The following DZANK1 variants were observed in gnomAD, a reference collection of about 807,000 sequenced individuals.
The protein encoded by DZANK1 is double zinc ribbon and ankyrin repeat-containing protein 1.
DZANK1 carries 91 observed loss-of-function variants against 94.5 expected under a neutral mutation model. The ratio of observed to expected loss-of-function variants is 0.96; its 90% CI spans 0.81 to 1.15. DZANK1 has a LOEUF of 1.15. Among genes scored for constraint, DZANK1 ranks in the 50% most tolerant of loss-of-function variants. The pLI is 0.00. For synonymous variants in DZANK1, 312 were observed against 325.3 expected (o/e 0.96, Z 0.44); for missense variants, 903 against 916.4 (o/e 0.99, Z 0.19).
intron 14 of DZANK1, among the ~76,000 whole-genome samples, chr20:18,397,382 G>T (rs995741553): frequency 3.9e-5 from 6 of 152,170 alleles, no homozygotes; most frequent in Non-Finnish European, 8.8e-5. Flanking sequence ...TCCTCTCACA[G>T]AGCTGTCTTT....
intron 17 of DZANK1, 143 bp from the exon 18 acceptor site, chr20:18,390,602 A>G: frequency 1.4e-6 from 1 of 707,658 alleles, no homozygotes; most frequent in Non-Finnish European, 2.4e-6. Context: ...GTGGTCTTTA[A>G]TAGCCCACAG....
chr20:18,384,257 C>G (rs111291598), exon 21 of DZANK1: 1 of 773,974 alleles, frequency 1.3e-6, no homozygotes. Context: ...CGGGGTTTCT[C>G]CATGTTGGTC....
chr20:18,447,272 T>G (rs1425858640), intron 7 of DZANK1, among the ~76,000 whole-genome samples: 1 of 151,910 alleles, frequency 6.6e-6, no homozygotes, highest in African/African-American at 2.4e-5. Context: ...GGTCAGAAGT[T>G]CTAGACTAGC....
chr20:18,453,777 G>A (rs774955041), exon 5 of DZANK1: 1 of 1,613,000 alleles, frequency 6.2e-7, no homozygotes, highest in Non-Finnish European at 8.5e-7. Context: ...GATTTTCAGA[G>A]TTCTTATATT....
rs542959929 is a variant in DZANK1 at position 18,446,861 on chromosome 20, C to A, written c.629+2123G>T. Among the ~76,000 whole-genome samples, 7 of 152,242 alleles carry A rather than the reference C, an allele frequency of 4.6e-5. No homozygotes were observed. The East Asian group carries it at 1.4e-3, about 29-fold the overall frequency. ...CTATGAATCTAGAATTATACCGATA[C>A]TAAAACCAGACAAAGACATTAACAA... is the stretch of plus-strand genomic sequence containing the variant. On this transcript the variant is annotated intron_variant, in intron 7 of 20. Transcript: ENST00000262547.
intron 3 of DZANK1, among the ~76,000 whole-genome samples, chr20:18,458,859 C>A (rs1568554093): frequency 6.6e-6 from 1 of 152,198 alleles, no homozygotes; most frequent in Non-Finnish European, 1.5e-5. Flanking sequence ...CTGGCCCTTC[C>A]TTGGGGAACC....
At chr20:18,427,146 C>A (rs767527373) in exon 10 of DZANK1, 6 of 1,612,594 alleles carry the variant, frequency 3.7e-6, no homozygotes, top group Non-Finnish European at 5.1e-6. Context: ...ACAGGCCCGG[C>A]AAATTACCTT....
chr20:18,392,696 G>A (rs11904914), intron 17 of DZANK1, among the ~76,000 whole-genome samples: 22 of 152,356 alleles, frequency 1.4e-4, no homozygotes, highest in African/African-American at 5.3e-4. Context: ...CTCTAAAGAT[G>A]TGGGAAACTC....
intron 6 of DZANK1, among the ~76,000 whole-genome samples, chr20:18,450,436 T>C (rs2059059419): frequency 6.6e-6 from 1 of 152,160 alleles, no homozygotes. Context: ...AGACCAGAAG[T>C]CTCAAAGTGG....
chr20:18,459,925 TA>T (rs1359330809), intron 3 of DZANK1, among the ~76,000 whole-genome samples: 4 of 152,158 alleles, frequency 2.6e-5, no homozygotes, highest in Non-Finnish European at 5.9e-5. Context: ...ACAGTATTAA[TA>T]TACATAACAC....
chr20:18,426,118 G>A (rs907992251), intron 10 of DZANK1, among the ~76,000 whole-genome samples: 2 of 152,180 alleles, frequency 1.3e-5, no homozygotes, highest in Non-Finnish European at 2.9e-5. Context: ...TAGGAACCAG[G>A]CCACACAGCA....
At chr20:18,384,594 A>G in intron 20 of DZANK1, 30 bp from the exon 21 acceptor site, 9 of 1,557,020 alleles carry the variant, frequency 5.8e-6, no homozygotes, top group Non-Finnish European at 6.1e-6. Context: ...ACGGAGGTGC[A>G]CTGAAGGACT....
Position 18,433,621 on chromosome 20 carries a change from T to A in DZANK1, c.861+31A>T, listed in dbSNP as rs780892764. 1.9e-6 allele frequency: 3 copies of A among 1,586,082 alleles called. No individual in the cohort carries two copies. The South Asian group carries it at 3.3e-5, about 18-fold the overall frequency. On this transcript the variant is annotated intron_variant, in intron 9 of 20. Transcript: ENST00000262547. ...TGTTCAAACATTACTATGTATTTCA[T>A]TCATGTTTTTACAGAATCACATTTC...
At chr20:18,443,743 C>G (rs370019350) in intron 7 of DZANK1, among the ~76,000 whole-genome samples, 1 of 152,140 alleles carries the variant, frequency 6.6e-6, no homozygotes, top group African/African-American at 2.4e-5. Flanking sequence ...GCAGCCTTGG[C>G]CCCACTTCTT....
At chr20:18,394,316 T>A in exon 16 of DZANK1, 1 of 1,613,830 alleles carries the variant, frequency 6.2e-7, no homozygotes, top group Non-Finnish European at 8.5e-7. Context: ...CAGAAGGTGA[T>A]CGCTGAAATT....
chr20:18,388,781 A>G (rs2048670085), intron 19 of DZANK1, among the ~76,000 whole-genome samples: 1 of 152,232 alleles, frequency 6.6e-6, no homozygotes, highest in Non-Finnish European at 1.5e-5. Context: ...AAATGCAGAC[A>G]TTAGTAAAAT....
At chr20:18,426,231 C>A (rs750754425) in intron 10 of DZANK1, among the ~76,000 whole-genome samples, 1 of 152,094 alleles carries the variant, frequency 6.6e-6, no homozygotes, top group Non-Finnish European at 1.5e-5. Context: ...CTAGGTTGCG[C>A]GTTCCTTATA....
chr20:18,406,065 C>T (rs1005977545), intron 13 of DZANK1, among the ~76,000 whole-genome samples: 2 of 152,238 alleles, frequency 1.3e-5, no homozygotes, highest in Non-Finnish European at 2.9e-5. Context: ...CAGCAAGCCT[C>T]GCCACTGGTG....
At chr20:18,412,616 G>A (rs200054348) in intron 13 of DZANK1, 30 bp downstream of exon 13, 28 of 1,600,058 alleles carry the variant, frequency 1.7e-5, no homozygotes, top group East Asian at 1.1e-4. Flanking sequence ...ATTCCCTCCC[G>A]ACCAGAAGAA....
Sources: allele counts gnomAD v4.1 joint callset (sites outside exome capture counted in the v4.1 genomes callset), GRCh38; gene constraint gnomAD v4.1.1; transcripts MANE v1.5; gene names NCBI Gene and HGNC (gene_info 2026-07-23, HGNC 2026-07-21).